Variants in REV3L observed in about 807,000 individuals in gnomAD.
REV3L encodes the protein DNA polymerase zeta catalytic subunit.
Under a neutral mutation model 299.4 loss-of-function variants are expected in REV3L, and 69 were observed. The ratio of observed to expected loss-of-function variants is 0.23; its 90% CI spans 0.19 to 0.28. The LOEUF is 0.28. REV3L is among the 10% of genes least tolerant of loss of function. The probability of loss-of-function intolerance (pLI) is 1.00; values close to 1 mark genes in which losing one functional copy is unlikely to be tolerated. For missense variants in REV3L, 3,128 were observed against 3,693.8 expected (o/e 0.85, Z 3.97); for synonymous variants, 1,238 against 1,271.4 (o/e 0.97, Z 0.56).
chr6:111,461,756 C>T (rs1790800006), intron 1 of REV3L, among the ~76,000 whole-genome samples: 1 of 151,664 alleles, frequency 6.6e-6, no homozygotes, highest in African/African-American at 2.4e-5. Flanking sequence ...CCTAGGGCAA[C>T]CACTAAACAA....
intron 1 of REV3L, among the ~76,000 whole-genome samples, chr6:111,464,298 C>CTA (rs1273166050): frequency 1.3e-5 from 2 of 152,220 alleles, no homozygotes; most frequent in Admixed American, 6.5e-5. Context: ...GAAGGCAAAT[C>CTA]TATCTTTTTA....
chr6:111,364,045 T>C (rs1778963637), intron 15 of REV3L, 67 bp from the exon 16 acceptor site: 1 of 1,553,198 alleles, frequency 6.4e-7, no homozygotes, highest in African/African-American at 1.4e-5. Flanking sequence ...TTCTTTTGAT[T>C]ACTTATTCTC....
At chr6:111,310,896 C>A in intron 29 of REV3L, 173 bp downstream of exon 29, 1 of 455,212 alleles carries the variant, frequency 2.2e-6, no homozygotes. Context: ...AGGATTTCCT[C>A]TTCACATCTT....
At chr6:111,315,490 C>T (rs1056286202) in intron 26 of REV3L, 109 bp from the exon 27 acceptor site, 4 of 721,666 alleles carry the variant, frequency 5.5e-6, no homozygotes, top group Non-Finnish European at 9.2e-6. Flanking sequence ...AAGAAAACTC[C>T]CTTTCTCCTA....
chr6:111,300,445 T>A (rs1771360545), intron 31 of REV3L, among the ~76,000 whole-genome samples: 1 of 152,236 alleles, frequency 6.6e-6, no homozygotes, highest in African/African-American at 2.4e-5. Flanking sequence ...CTACATAAGC[T>A]ACCCAATTAC....
intron 1 of REV3L, among the ~76,000 whole-genome samples, chr6:111,469,233 C>T (rs1029473368): frequency 6.6e-6 from 1 of 152,124 alleles, no homozygotes; most frequent in African/African-American, 2.4e-5. Context: ...CTATCTGCTG[C>T]TCACCTCTTG....
intron 1 of REV3L, among the ~76,000 whole-genome samples, chr6:111,436,689 G>A (rs1282740853): frequency 6.6e-6 from 1 of 152,124 alleles, no homozygotes; most frequent in East Asian, 1.9e-4. Flanking sequence ...GAGTTTGATA[G>A]AAGAAACAAG....
intron 9 of REV3L, among the ~76,000 whole-genome samples, chr6:111,382,189 T>A (rs1780899703): frequency 6.6e-5 from 10 of 151,986 alleles, no homozygotes. Flanking sequence ...ACAATTGCCG[T>A]CCCCTGAAGG....
At chr6:111,449,243 G>T (rs1001862529) in intron 1 of REV3L, among the ~76,000 whole-genome samples, 4 of 152,192 alleles carry the variant, frequency 2.6e-5, no homozygotes, top group Non-Finnish European at 4.4e-5. Context: ...AACAAACATT[G>T]TAAGTCCTTC....
intron 31 of REV3L, among the ~76,000 whole-genome samples, chr6:111,302,583 A>C (rs1771697933): frequency 1.3e-5 from 2 of 152,174 alleles, no homozygotes; most frequent in African/African-American, 4.8e-5. Context: ...TATTCTTTTT[A>C]CTATCCTTTG....
rs772732197 is a variant in REV3L, at chr6:111,310,136, C to G, written c.8796-37G>C. 2.2e-5 allele frequency: 32 copies of G among 1,483,610 alleles called. No homozygotes were observed. The East Asian group carries it at 7.0e-4, about 32-fold the overall frequency. 91.9% of individuals were successfully genotyped at this position (1,483,610 alleles called of 1,614,324 possible). A position where few individuals can be genotyped will look rare whatever the true frequency, so the allele number is the denominator to read the frequency against. Reference sequence around the variant, plus strand: ...CAAAGAAAAAAACCACACCCAAATACTGTTATGGAAGCCATCTTTCTCACA... The same window carrying G: ...CAAAGAAAAAAACCACACCCAAATAGTGTTATGGAAGCCATCTTTCTCACA... On this transcript the variant is annotated intron_variant, in intron 29 of 31. Coordinates refer to ENST00000368802, the MANE Select transcript of REV3L (RefSeq NM_001372078.1).
chr6:111,327,408 A>T (rs939418473), intron 25 of REV3L, among the ~76,000 whole-genome samples: 5 of 152,090 alleles, frequency 3.3e-5, no homozygotes, highest in Admixed American at 3.3e-4. Flanking sequence ...TAGAAAACTT[A>T]ACTGGGCATA....
chr6:111,431,275 G>A (rs1786893360), intron 1 of REV3L: 1 of 1,428,248 alleles, frequency 7.0e-7, no homozygotes, highest in East Asian at 2.3e-5. Flanking sequence ...GTCACTGCCT[G>A]AAGATGGAAG....
At chr6:111,478,022 G>C (rs1008003287) in intron 1 of REV3L, among the ~76,000 whole-genome samples, 1 of 152,132 alleles carries the variant, frequency 6.6e-6, no homozygotes, top group African/African-American at 2.4e-5. Context: ...GGTCAAAAAA[G>C]AACACTTCAA....
intron 1 of REV3L, among the ~76,000 whole-genome samples, chr6:111,445,849 AAC>A (rs1394439548): frequency 2.0e-5 from 3 of 152,228 alleles, no homozygotes; most frequent in African/African-American, 4.8e-5. Flanking sequence ...CAGACAAAAA[AAC>A]AGAGGGAACA....
chr6:111,375,348 G>T lies in REV3L; in HGVS notation c.3007C>A (p.Gln1003Lys), dbSNP rs761942401. The T allele has an allele frequency of 2.5e-5, 39 of 1,582,644 alleles. No homozygotes were observed. In the South Asian group the frequency reaches 4.3e-4, roughly 17 times the overall value. Residue 1003 changes from glutamine (Q) to lysine (K), a missense_variant, in exon 13 of 32, where the codon CAA (glutamine) becomes AAA (lysine). By Grantham distance (53) the Gln-to-Lys change is moderately conservative (BLOSUM62 1). Coordinates refer to ENST00000368802, the MANE Select transcript of REV3L (RefSeq NM_001372078.1). Reference sequence around the variant, plus strand: ...ATTTTTTCTTCTGTTAATATTACTTGTTTTTCTTTAGAGTCTATTTTTCCT... The same window carrying T: ...ATTTTTTCTTCTGTTAATATTACTTTTTTTTCTTTAGAGTCTATTTTTCCT... Reference protein sequence around the residue: ...KLGKIDSKEKQVILTEEKMEL... With the variant: ...KLGKIDSKEKKVILTEEKMEL...
At chr6:111,348,029 T>C (rs1385082403) in intron 20 of REV3L, among the ~76,000 whole-genome samples, 1 of 152,224 alleles carries the variant, frequency 6.6e-6, no homozygotes, top group Non-Finnish European at 1.5e-5. Context: ...CTCAAACTCC[T>C]GGGCTCAAGT....
In REV3L at chr6:111,338,312, C is replaced by CTTTTTT. The variant is rs144497761; in HGVS notation, c.7539-2708_7539-2703dup. ...TCTTTGTTTACTCCAGTCTAAAGTC[C>CTTTTTT]TTTTTTTTTTTTTTTTTTTTTTTTT... On this transcript the variant is annotated intron_variant, in intron 21 of 31. Coordinates refer to ENST00000368802, the MANE Select transcript of REV3L (RefSeq NM_001372078.1). 1.6e-3 allele frequency among the ~76,000 whole-genome samples: 75 copies of CTTTTTT among 47,916 alleles called. 7 individuals carry two copies. The highest frequency in any genetic ancestry group is 3.4e-3 in the African/African-American group (26 of 7,706). 31.4% of individuals were successfully genotyped at this position (47,916 alleles called of 152,430 possible). A position where few individuals can be genotyped will look rare whatever the true frequency, so the allele number is the denominator to read the frequency against.
chr6:111,375,254 T>G lies in REV3L; in HGVS notation c.3101A>C (p.Lys1034Thr). The change falls in exon 13 of 32, where the codon AAA (lysine) becomes ACA (threonine). Residue 1034 changes from lysine to threonine, a missense_variant. Lys to Thr is a moderately conservative substitution (Grantham distance 78). Around this residue, in one of 9 missense-constraint regions of REV3L, gnomAD observed 2,409 missense variants for 2,611.8 expected, o/e 0.92. Coordinates refer to ENST00000368802, the MANE Select transcript of REV3L (RefSeq NM_001372078.1). ...WPKVPDSPAT[K>T]YPIYPLTPKK... ...TGGTGTTAGTGGATAAATGGGATAT[T>G]TGGTTGCAGGGGAGTCGGGAACTTT... The G allele has an allele frequency of 6.2e-7, 1 of 1,611,904 alleles. No homozygotes were observed. The highest frequency in any genetic ancestry group is 8.5e-7 in the Non-Finnish European group (1 of 1,179,630).
Sources: gnomAD v4.1 joint callset for allele counts (sites outside exome capture counted in the v4.1 genomes callset) on GRCh38, gnomAD v4.1.1 for gene constraint, gnomAD v4.1.1 regional missense constraint, MANE v1.5 for transcripts, NCBI Gene and HGNC (gene_info 2026-07-23, HGNC 2026-07-21) for gene names.